The following SUGCT variants were observed in gnomAD, a reference collection of about 807,000 sequenced individuals.
The protein encoded by SUGCT is succinyl-CoA:glutarate CoA-transferase.
SUGCT carries 41 observed loss-of-function variants against 55.0 expected under a neutral mutation model. The observed-to-expected ratio is 0.74, with a 90% CI of 0.58 to 0.97. The LOEUF (loss-of-function observed/expected upper bound fraction) is 0.97, where lower values mean the gene tolerates loss of function less well. SUGCT is among the 50% of genes least tolerant of loss of function. The probability of loss-of-function intolerance (pLI) is 0.00; values close to 1 mark genes in which losing one functional copy is unlikely to be tolerated. For missense variants in SUGCT, 568 were observed against 547.8 expected (o/e 1.04, Z -0.37); for synonymous variants, 187 against 200.4 (o/e 0.93, Z 0.56).
At position 40,219,339 on chromosome 7, in the gene SUGCT, C is replaced by T. The variant is rs550728729; in HGVS notation, c.485-18296C>T. On this transcript the variant is annotated intron_variant, in intron 6 of 13. Transcript: ENST00000335693. The stretch of plus-strand genomic sequence containing the variant: ...AGTGAGACCAAGAACCCACCAATTC[C>T]GGACACATTTAAATACAAATTAGTA... Among the ~76,000 whole-genome samples, 8 of 152,248 alleles carry T rather than the reference C, an allele frequency of 5.3e-5. No individual in the cohort carries two copies. The South Asian group carries it at 8.3e-4, about 16-fold the overall frequency.
intron 5 of SUGCT, among the ~76,000 whole-genome samples, chr7:40,191,949 A>T (rs1304108959): frequency 6.6e-6 from 1 of 151,940 alleles, no homozygotes; most frequent in Non-Finnish European, 1.5e-5. Flanking sequence ...CTCTACTAGA[A>T]ATGCAAAAAT....
At chr7:40,518,678 G>T (rs115951366) in intron 12 of SUGCT, among the ~76,000 whole-genome samples, 3,282 of 152,110 alleles carry the variant, frequency 0.022, 61 homozygotes, top group African/African-American at 0.033. Context: ...CTATTTAAAA[G>T]TATCAGAGCT....
At chr7:40,742,360 T>C (rs1584370347) in intron 12 of SUGCT, among the ~76,000 whole-genome samples, 1 of 152,344 alleles carries the variant, frequency 6.6e-6, no homozygotes, top group East Asian at 1.9e-4. Context: ...CCAATCTTTT[T>C]GGCACCAGGG....
chr7:40,801,823 G>A (rs772162068), intron 13 of SUGCT, among the ~76,000 whole-genome samples: 1 of 151,594 alleles, frequency 6.6e-6, no homozygotes, highest in East Asian at 1.9e-4. Context: ...CATGTGCTCA[G>A]GCCCTCTGGG....
At chr7:40,530,299 AT>A (rs1196021513) in intron 12 of SUGCT, among the ~76,000 whole-genome samples, 2 of 152,242 alleles carry the variant, frequency 1.3e-5, no homozygotes, top group East Asian at 3.9e-4. Context: ...GTTTAGAATC[AT>A]TTTTTCCATG....
At chr7:40,912,280 G>A in the SUGCT span, among the ~76,000 whole-genome samples, 1 of 152,066 alleles carries the variant, frequency 6.6e-6, no homozygotes, top group Non-Finnish European at 1.5e-5. Flanking sequence ...CCCATTTTAT[G>A]GTACTGGGGT....
chr7:40,958,919 C>T, the SUGCT span, among the ~76,000 whole-genome samples: 1 of 152,176 alleles, frequency 6.6e-6, no homozygotes, highest in Non-Finnish European at 1.5e-5. Flanking sequence ...AACAGTCAGG[C>T]CCCTCTGCTG....
intron 10 of SUGCT, among the ~76,000 whole-genome samples, chr7:40,456,440 A>G (rs1789494421): frequency 1.3e-5 from 2 of 152,262 alleles, no homozygotes; most frequent in Admixed American, 6.5e-5. Context: ...TTGTCAGTTG[A>G]AGAATGTGTT....
intron 9 of SUGCT, among the ~76,000 whole-genome samples, chr7:40,406,443 T>C (rs1473073865): frequency 6.6e-6 from 1 of 152,280 alleles, no homozygotes; most frequent in East Asian, 1.9e-4. Context: ...GGGACTGTTA[T>C]CATCTTTGTT....
intron 12 of SUGCT, among the ~76,000 whole-genome samples, chr7:40,733,149 A>C (rs561638600): frequency 6.6e-6 from 1 of 152,012 alleles, no homozygotes; most frequent in African/African-American, 2.4e-5. Context: ...CTCAGGCTTG[A>C]CTCCTGACTG....
At chr7:40,356,029 C>T (rs773125175) in intron 9 of SUGCT, among the ~76,000 whole-genome samples, 10 of 152,178 alleles carry the variant, frequency 6.6e-5, no homozygotes, top group Non-Finnish European at 1.0e-4. Context: ...TCAGTTGCTC[C>T]GTTAAATGGA....
intron 7 of SUGCT, among the ~76,000 whole-genome samples, chr7:40,245,424 T>TATATATATA (rs59609393): frequency 3.4e-4 from 4 of 11,646 alleles, no homozygotes; most frequent in South Asian, 5.9e-3. Context: ...TATATATATA[T>TATATATATA]TTTTTTTTTT....
At position 40,415,044 on chromosome 7, in the gene SUGCT, C is replaced by CA. The variant is rs66493575; in HGVS notation, c.817-34225dup. On this transcript the variant is annotated intron_variant, in intron 9 of 13. Coordinates refer to ENST00000335693, the MANE Select transcript of SUGCT (RefSeq NM_001193313.2). ...TGGGTGACAGAGCCACACTCTGTCA[C>CA]AAAAAAAAAAAAAAAAAATCTATCT... Among the ~76,000 whole-genome samples, 9 of 71,030 alleles carry CA rather than the reference C, an allele frequency of 1.3e-4. 1 individual carries two copies. Among genetic ancestry groups the CA allele is most frequent in the African/African-American group, 5.0e-4 (9 of 17,988 alleles). 46.6% of individuals were successfully genotyped at this position (71,030 alleles called of 152,430 possible).
intron 9 of SUGCT, among the ~76,000 whole-genome samples, chr7:40,336,426 G>A (rs1399512643): frequency 6.6e-6 from 1 of 152,090 alleles, no homozygotes; most frequent in Non-Finnish European, 1.5e-5. Flanking sequence ...CAATTTCAGA[G>A]CCTGTTATTG....
intron 9 of SUGCT, among the ~76,000 whole-genome samples, chr7:40,398,037 C>T (rs1785838785): frequency 6.6e-6 from 1 of 152,198 alleles, no homozygotes; most frequent in African/African-American, 2.4e-5. Flanking sequence ...CAACCCTCAA[C>T]CAGTGAGGTG....
intron 9 of SUGCT, among the ~76,000 whole-genome samples, chr7:40,342,709 C>G (rs1271683371): frequency 6.6e-6 from 1 of 151,292 alleles, no homozygotes; most frequent in African/African-American, 2.4e-5. Flanking sequence ...GTGGCGTGAT[C>G]TTGACTCACT....
At chr7:40,735,547 C>T (rs1258780425) in intron 12 of SUGCT, among the ~76,000 whole-genome samples, 1 of 152,066 alleles carries the variant, frequency 6.6e-6, no homozygotes, top group Middle Eastern at 3.2e-3. Context: ...TGCTAATACT[C>T]TTTAGCTTAG....
At chr7:40,487,078 C>CTTTTT (rs745766266) in intron 11 of SUGCT, among the ~76,000 whole-genome samples, 16 of 93,898 alleles carry the variant, frequency 1.7e-4, no homozygotes, top group African/African-American at 2.9e-4. Flanking sequence ...TGATTTCAAT[C>CTTTTT]TTTTTTTTTT....
At chr7:40,485,204 C>T (rs1791260160) in intron 11 of SUGCT, among the ~76,000 whole-genome samples, 1 of 151,786 alleles carries the variant, frequency 6.6e-6, no homozygotes, top group Admixed American at 6.6e-5. Flanking sequence ...CAAATCTATT[C>T]AAAACTCATG....
Sources: allele counts gnomAD v4.1 joint callset (sites outside exome capture counted in the v4.1 genomes callset), GRCh38; gene constraint gnomAD v4.1.1; transcripts MANE v1.5; gene names NCBI Gene and HGNC (gene_info 2026-07-23, HGNC 2026-07-21).